PSD3: variants seen among roughly 807,000 people sequenced by gnomAD.
PSD3 encodes PH and SEC7 domain-containing protein 3.
PSD3 carries 49 observed loss-of-function variants against 105.5 expected under a neutral mutation model. The observed-to-expected ratio is 0.46, with a 90% CI of 0.37 to 0.59. PSD3 has a LOEUF of 0.59. Ranked by LOEUF, PSD3 falls within the 20% of genes least tolerant of loss-of-function variation. The pLI, the probability that PSD3 is intolerant of heterozygous loss-of-function variation, is 0.00. For missense variants in PSD3, 1,561 were observed against 1,263.8 expected (o/e 1.24, Z -3.57); for synonymous variants, 557 against 457.8 (o/e 1.22, Z -2.77).
In PSD3 at chr8:18,607,000, T is replaced by C. The variant is rs896462890; in HGVS notation, c.2411-6566A>G. ...ACCCATCTAAGGATTTCAAAGCTACTGTACAGGACAATTAAGTAAATATTT... is the reference window on the plus strand; with the variant it reads ...ACCCATCTAAGGATTTCAAAGCTACCGTACAGGACAATTAAGTAAATATTT... On this transcript the variant is annotated intron_variant, in intron 11 of 15. Coordinates refer to ENST00000327040, the MANE Select transcript of PSD3 (RefSeq NM_015310.4). Among the ~76,000 whole-genome samples the C allele has an allele frequency of 3.3e-5, 5 of 152,224 alleles. No homozygotes were observed. The East Asian group carries it at 7.7e-4, about 23-fold the overall frequency.
At chr8:19,054,998 T>G (rs1349628478) in intron 1 of PSD3, among the ~76,000 whole-genome samples, 1 of 151,656 alleles carries the variant, frequency 6.6e-6, no homozygotes, top group African/African-American at 2.4e-5. Context: ...GACAAAGCAC[T>G]GTGACTTCTC....
chr8:18,644,912 G>T (rs1047380902), intron 10 of PSD3, among the ~76,000 whole-genome samples: 1 of 152,110 alleles, frequency 6.6e-6, no homozygotes, highest in African/African-American at 2.4e-5. Flanking sequence ...GTCAAGTAAG[G>T]GGCCTGCATC....
intron 12 of PSD3, among the ~76,000 whole-genome samples, chr8:18,579,389 A>T (rs1802665937): frequency 6.6e-6 from 1 of 152,182 alleles, no homozygotes; most frequent in Non-Finnish European, 1.5e-5. Flanking sequence ...AATTTTCTGT[A>T]AGAAAAGAAA....
Position 18,821,684 on chromosome 8 carries a change from A to AACACACACACACACACACAC in PSD3, c.1635-16806_1635-16787dup, listed in dbSNP as rs10527060. ...TTAATTCCAAAATTTTGACCCCCACAACACACACACACACACACACACACA... is the reference window on the plus strand; with the variant it reads ...TTAATTCCAAAATTTTGACCCCCACAACACACACACACACACACACACACACACACACACACACACACACA... On this transcript the variant is annotated intron_variant, in intron 4 of 15. Transcript: ENST00000327040. 5.9e-3 allele frequency among the ~76,000 whole-genome samples: 769 copies of AACACACACACACACACACAC among 131,302 alleles called. 9 individuals carry two copies. The highest frequency in any genetic ancestry group is 0.016 in the South Asian group (62 of 3,828). The allele number at this position is 131,302 out of a possible 152,430, so 86.1% of individuals were successfully genotyped here. A position where few individuals can be genotyped will look rare whatever the true frequency, so the allele number is the denominator to read the frequency against.
intron 9 of PSD3, among the ~76,000 whole-genome samples, chr8:18,745,264 T>A (rs1442534665): frequency 6.6e-6 from 1 of 152,218 alleles, no homozygotes; most frequent in African/African-American, 2.4e-5. Flanking sequence ...CTTCAATGGC[T>A]CTATCAACAA....
Position 19,037,647 on chromosome 8 carries a change from C to T in PSD3, c.324+46559G>A, listed in dbSNP as rs147235801. ...CTGAAGAGAACAAAAAGGCAAAGGA[C>T]GAGTGAGTTCCATCTCTATTTAGGC... On this transcript the variant is annotated intron_variant, in intron 1 of 1. Coordinates refer to the PSD3 transcript ENST00000521475. Among the ~76,000 whole-genome samples the T allele has an allele frequency of 1.5e-3, 230 of 152,230 alleles. 1 individual carries two copies. The highest frequency in any genetic ancestry group is 4.9e-3 in the African/African-American group (203 of 41,556).
In PSD3 at chr8:18,836,583, A is replaced by G. The variant is rs368093176; in HGVS notation, c.1634+31091T>C. ...AGTGAATATATACATTTGTCCCGCC[A>G]TATCCATGAGGGATTAGTTCCAGGG... On this transcript the variant is annotated intron_variant, in intron 4 of 15. Transcript: ENST00000327040. 7.8e-4 allele frequency among the ~76,000 whole-genome samples: 119 copies of G among 152,326 alleles called. 2 individuals carry two copies. In the South Asian group the frequency reaches 0.024, roughly 31 times the overall value.
chr8:18,793,786 A>G (rs1386588532), intron 8 of PSD3, among the ~76,000 whole-genome samples: 1 of 152,210 alleles, frequency 6.6e-6, no homozygotes, highest in Admixed American at 6.5e-5. Flanking sequence ...CTGCAGGACG[A>G]TGAGAGGATA....
At chr8:18,947,482 G>A (rs1451909872) in intron 1 of PSD3, among the ~76,000 whole-genome samples, 1 of 152,140 alleles carries the variant, frequency 6.6e-6, no homozygotes, top group Non-Finnish European at 1.5e-5. Context: ...CAGTGTGAAA[G>A]ACGCTCCCCT....
intron 11 of PSD3, among the ~76,000 whole-genome samples, chr8:18,630,133 G>C (rs986703872): frequency 6.6e-6 from 1 of 151,818 alleles, no homozygotes; most frequent in African/African-American, 2.4e-5. Flanking sequence ...CAGGAACAGA[G>C]ATAGAAACAA....
intron 9 of PSD3, among the ~76,000 whole-genome samples, chr8:18,747,125 G>GC (rs1229220900): frequency 1.3e-5 from 2 of 152,190 alleles, no homozygotes; most frequent in African/African-American, 4.8e-5. Flanking sequence ...CGTAAATAAT[G>GC]CCCCCACATC....
At chr8:18,913,072 CACACACACACACAA>C (rs1415630725) in intron 2 of PSD3, among the ~76,000 whole-genome samples, 30 of 131,608 alleles carry the variant, frequency 2.3e-4, no homozygotes, top group African/African-American at 7.6e-4. Context: ...TTTATAAACA[CACACACACACACAA>C]ACACACACAC....
intron 9 of PSD3, among the ~76,000 whole-genome samples, chr8:18,677,941 C>G (rs570886963): frequency 1.3e-5 from 2 of 148,812 alleles, no homozygotes; most frequent in South Asian, 4.2e-4. Flanking sequence ...ACCTGGGAGG[C>G]AGAGCTTGCA....
At chr8:18,753,033 A>C (rs1805735701) in intron 9 of PSD3, among the ~76,000 whole-genome samples, 1 of 151,806 alleles carries the variant, frequency 6.6e-6, no homozygotes, top group Non-Finnish European at 1.5e-5. Context: ...TTCTGGGAAA[A>C]AGTGTGAAGG....
intron 2 of PSD3, among the ~76,000 whole-genome samples, chr8:18,915,749 A>G (rs1425814652): frequency 6.6e-6 from 1 of 152,344 alleles, no homozygotes; most frequent in South Asian, 2.1e-4. Flanking sequence ...CCATGTGGGA[A>G]GAAGGGGAAC....
intron 4 of PSD3, among the ~76,000 whole-genome samples, chr8:18,859,896 G>C (rs1028331689): frequency 5.3e-5 from 8 of 152,286 alleles, no homozygotes; most frequent in African/African-American, 1.9e-4. Context: ...TATTATTCAT[G>C]TGTTCTATGA....
At chr8:19,077,457 G>C (rs975381529) in intron 1 of PSD3, among the ~76,000 whole-genome samples, 1 of 152,084 alleles carries the variant, frequency 6.6e-6, no homozygotes, top group African/African-American at 2.4e-5. Context: ...GATGACTTTA[G>C]AAGGAAGGAA....
At chr8:18,887,698 G>GATGC (rs1188514081) in intron 2 of PSD3, among the ~76,000 whole-genome samples, 5 of 152,104 alleles carry the variant, frequency 3.3e-5, no homozygotes, top group Non-Finnish European at 7.4e-5. Flanking sequence ...CCAGTATGAG[G>GATGC]ATGCATGGGC....
chr8:18,655,188 G>C (rs74751098), intron 10 of PSD3, among the ~76,000 whole-genome samples: 14 of 151,778 alleles, frequency 9.2e-5, no homozygotes, highest in African/African-American at 3.4e-4. Flanking sequence ...AATTAGCTGG[G>C]AGTGGTGGTG....
Sources: gnomAD v4.1 joint callset for allele counts (sites outside exome capture counted in the v4.1 genomes callset) on GRCh38, gnomAD v4.1.1 for gene constraint, MANE v1.5 for transcripts, NCBI Gene and HGNC (gene_info 2026-07-23, HGNC 2026-07-21) for gene names.